Variants in SGCZ observed in about 807,000 individuals in gnomAD.
SGCZ encodes the protein sarcoglycan zeta, also known as zeta-sarcoglycan.
SGCZ carries 40 observed loss-of-function variants against 41.3 expected under a neutral mutation model. That is an observed-to-expected ratio of 0.97 (90% CI 0.75 to 1.26). SGCZ has a LOEUF of 1.26. Among genes scored for constraint, SGCZ ranks in the 50% most tolerant of loss-of-function variants. The pLI is 0.00. For synonymous variants in SGCZ, 206 were observed against 137.5 expected (o/e 1.50, Z -3.49); for missense variants, 552 against 369.8 (o/e 1.49, Z -4.04).
intron 3 of SGCZ, among the ~76,000 whole-genome samples, chr8:14,257,563 A>C (rs1799510632): frequency 6.6e-6 from 1 of 151,690 alleles, no homozygotes; most frequent in East Asian, 1.9e-4. Context: ...TACATGTGCC[A>C]TGTTGGTGTG....
chr8:14,225,097 G>C (rs1806327320), intron 4 of SGCZ, among the ~76,000 whole-genome samples: 1 of 152,074 alleles, frequency 6.6e-6, no homozygotes, highest in African/African-American at 2.4e-5. Context: ...ATTCAATGGA[G>C]TATATGTAGT....
At chr8:14,196,953 T>C (rs142415962) in intron 4 of SGCZ, among the ~76,000 whole-genome samples, 6 of 152,238 alleles carry the variant, frequency 3.9e-5, no homozygotes, top group African/African-American at 1.4e-4. Flanking sequence ...CGGAAAGGCA[T>C]ATAGGACAGG....
intron 4 of SGCZ, among the ~76,000 whole-genome samples, chr8:14,188,540 G>A (rs986448733): frequency 3.3e-5 from 5 of 152,156 alleles, no homozygotes; most frequent in African/African-American, 1.2e-4. Flanking sequence ...GCCTAGAGGG[G>A]TGGGACAGGT....
intron 1 of SGCZ, among the ~76,000 whole-genome samples, chr8:15,215,887 C>T (rs1352403669): frequency 1.3e-5 from 2 of 152,188 alleles, no homozygotes; most frequent in Non-Finnish European, 2.9e-5. Flanking sequence ...ACAGTACAAA[C>T]TTTAATCCGA....
At chr8:14,920,181 T>G (rs989494165) in intron 1 of SGCZ, among the ~76,000 whole-genome samples, 1 of 152,120 alleles carries the variant, frequency 6.6e-6, no homozygotes, top group Non-Finnish European at 1.5e-5. Flanking sequence ...CTTCTGACAC[T>G]GTGGAGGGCT....
At chr8:14,664,658 G>C (rs1298882650) in intron 1 of SGCZ, among the ~76,000 whole-genome samples, 1 of 152,012 alleles carries the variant, frequency 6.6e-6, no homozygotes, top group African/African-American at 2.4e-5. Context: ...ACTTATTTCA[G>C]TACATTTTAT....
At chr8:14,976,347 G>T (rs542631315) in intron 1 of SGCZ, among the ~76,000 whole-genome samples, 1 of 152,008 alleles carries the variant, frequency 6.6e-6, no homozygotes, top group East Asian at 1.9e-4. Flanking sequence ...TGACTAGGAA[G>T]TTCAGGGCCA....
intron 7 of SGCZ, among the ~76,000 whole-genome samples, chr8:14,094,023 C>T (rs1028376774): frequency 3.3e-5 from 5 of 152,022 alleles, no homozygotes; most frequent in African/African-American, 1.2e-4. Context: ...CTTTTCTTCA[C>T]CTTGAACACA....
At chr8:14,377,224 A>C (rs1804164781) in intron 2 of SGCZ, among the ~76,000 whole-genome samples, 1 of 152,220 alleles carries the variant, frequency 6.6e-6, no homozygotes, top group Non-Finnish European at 1.5e-5. Flanking sequence ...GTAATCAATC[A>C]TGCTTCCTAA....
intron 1 of SGCZ, among the ~76,000 whole-genome samples, chr8:14,890,986 T>A (rs1804992103): frequency 6.6e-6 from 1 of 152,206 alleles, no homozygotes; most frequent in African/African-American, 2.4e-5. Context: ...TTAAGCCCTC[T>A]ATTGAGACCT....
chr8:14,196,076 A>T (rs1430045897), intron 4 of SGCZ, among the ~76,000 whole-genome samples: 2 of 152,152 alleles, frequency 1.3e-5, no homozygotes, highest in Non-Finnish European at 2.9e-5. Flanking sequence ...TCTCTACAGT[A>T]TCCAAAATTC....
At position 14,878,591 on chromosome 8, in the gene SGCZ, A is replaced by C. The variant is rs559597820; in HGVS notation, c.40-323665T>G. Among the ~76,000 whole-genome samples the C allele has an allele frequency of 2.6e-5, 4 of 152,278 alleles. No individual in the cohort carries two copies. The Middle Eastern group carries it at 0.01, about 388-fold the overall frequency. Reference sequence around the variant, plus strand: ...TCGATATCTTCCAAAATGATGCAGCACTGTTAAGGATACTGTTGATTTAAC... The same window carrying C: ...TCGATATCTTCCAAAATGATGCAGCCCTGTTAAGGATACTGTTGATTTAAC... On this transcript the variant is annotated intron_variant, in intron 1 of 7. Coordinates refer to ENST00000382080, the MANE Select transcript of SGCZ (RefSeq NM_139167.4).
At chr8:14,740,980 C>G (rs1799183788) in intron 1 of SGCZ, among the ~76,000 whole-genome samples, 2 of 152,044 alleles carry the variant, frequency 1.3e-5, no homozygotes, top group Non-Finnish European at 1.5e-5. Context: ...TCAGCATAAT[C>G]TGCCATTAAA....
intron 2 of SGCZ, among the ~76,000 whole-genome samples, chr8:14,435,700 T>C (rs564294523): frequency 6.6e-6 from 1 of 152,354 alleles, no homozygotes; most frequent in East Asian, 1.9e-4. Flanking sequence ...TATGGTGAAG[T>C]GTTTTATAAA....
chr8:14,145,638 T>C (rs892579651), intron 5 of SGCZ, among the ~76,000 whole-genome samples: 3 of 152,216 alleles, frequency 2.0e-5, no homozygotes, highest in Admixed American at 6.5e-5. Flanking sequence ...GTAACAGAGA[T>C]ACGTGACCTT....
chr8:14,858,947 G>A (rs1037425900), intron 1 of SGCZ, among the ~76,000 whole-genome samples: 1 of 151,962 alleles, frequency 6.6e-6, no homozygotes, highest in African/African-American at 2.4e-5. Context: ...AACAAATAAT[G>A]TCAGTTTTCC....
intron 1 of SGCZ, among the ~76,000 whole-genome samples, chr8:15,224,323 G>C (rs568105780): frequency 6.6e-6 from 1 of 152,066 alleles, no homozygotes. Flanking sequence ...AAAACTAAAA[G>C]AAGGGATTAA....
intron 1 of SGCZ, among the ~76,000 whole-genome samples, chr8:14,584,664 A>C (rs930689947): frequency 2.0e-5 from 3 of 152,150 alleles, no homozygotes; most frequent in African/African-American, 7.2e-5. Context: ...AAAGCACGCT[A>C]AATTTAATTT....
intron 1 of SGCZ, among the ~76,000 whole-genome samples, chr8:14,653,572 A>T (rs572176560): frequency 2.0e-5 from 3 of 152,138 alleles, no homozygotes; most frequent in Non-Finnish European, 4.4e-5. Context: ...AAATGTTTCA[A>T]CCAATGTTTA....
Sources: allele counts gnomAD v4.1 joint callset (sites outside exome capture counted in the v4.1 genomes callset), GRCh38; gene constraint gnomAD v4.1.1; transcripts MANE v1.5; gene names NCBI Gene and HGNC (gene_info 2026-07-23, HGNC 2026-07-21).